CCNH: variants seen among roughly 807,000 people sequenced by gnomAD.
CCNH encodes the protein cyclin H.
CCNH carries 31 observed loss-of-function variants against 41.9 expected under a neutral mutation model. The observed-to-expected ratio is 0.74, with a 90% confidence interval of 0.56 to 1.00. The LOEUF is 1.00. CCNH is among the 50% of genes least tolerant of loss of function. CCNH has a pLI of 0.00. For missense variants in CCNH, 362 were observed against 388.4 expected, an observed-to-expected ratio of 0.93 and a Z score of 0.57; for synonymous variants, 138 against 136.1, an observed-to-expected ratio of 1.01 and a Z score of -0.10.
chr5:87,380,417 G>A (rs1580395385), upstream of CCNH: 4 of 1,132,904 alleles, frequency 3.5e-6, no homozygotes, highest in South Asian at 3.7e-5. Flanking sequence ...TTATTGAACT[G>A]TGGTATATTT....
At chr5:87,332,422 T>C (rs1255940754) in intron 9 of CCNH, 4 of 1,343,568 alleles carry the variant, frequency 3.0e-6, no homozygotes, top group African/African-American at 2.9e-5. Context: ...ATGGAAATTA[T>C]GGATTTATAA....
chr5:87,333,764 A>G (rs1757761607), intron 9 of CCNH, among the ~76,000 whole-genome samples: 1 of 152,154 alleles, frequency 6.6e-6, no homozygotes, highest in Non-Finnish European at 1.5e-5. Context: ...ATTTCTATAT[A>G]ATTATATAAT....
chr5:87,363,271 T>C, intron 9 of CCNH: 2 of 1,304,400 alleles, frequency 1.5e-6, no homozygotes, highest in East Asian at 2.4e-5. Flanking sequence ...TTCATATTTT[T>C]AGAAACACTA....
chr5:87,401,551 A>G, intron 6 of CCNH, 151 bp downstream of exon 6: 1 of 594,098 alleles, frequency 1.7e-6, no homozygotes, highest in Non-Finnish European at 2.9e-6. Context: ...TTCTAGACCA[A>G]TGTGTCTTTC....
chr5:87,343,884 C>A (rs911938121), intron 9 of CCNH, among the ~76,000 whole-genome samples: 6 of 152,070 alleles, frequency 3.9e-5, no homozygotes, highest in African/African-American at 1.4e-4. Context: ...ACTATTCAGC[C>A]ATAAACAAGA....
chr5:87,371,160 G>C (rs1370187355), intron 9 of CCNH, among the ~76,000 whole-genome samples: 1 of 151,926 alleles, frequency 6.6e-6, no homozygotes, highest in Non-Finnish European at 1.5e-5. Context: ...AGCATGTTTT[G>C]CAAGCCTAAC....
At chr5:87,369,934 TTTA>T (rs1472834373) in intron 9 of CCNH, 3 of 1,517,252 alleles carry the variant, frequency 2.0e-6, no homozygotes, top group Non-Finnish European at 2.7e-6. Context: ...ACAGTATACT[TTTA>T]TGTTAGCCCA....
chr5:87,385,216 A>G, intron 9 of CCNH: 1 of 889,638 alleles, frequency 1.1e-6, no homozygotes, highest in Non-Finnish European at 1.9e-6. Context: ...AACAGTAAAG[A>G]AATATTAAAG....
At chr5:87,407,920 T>C in intron 4 of CCNH, 56 bp downstream of exon 4, 1 of 1,341,464 alleles carries the variant, frequency 7.5e-7, no homozygotes, top group Non-Finnish European at 1.1e-6. Context: ...TTGGATTCTT[T>C]TGTTAAAGAA....
downstream of CCNH, among the ~76,000 whole-genome samples, chr5:87,314,523 A>G (rs144388657): frequency 1.1e-4 from 17 of 152,346 alleles, no homozygotes; most frequent in African/African-American, 3.6e-4. Flanking sequence ...CTGATTGGAT[A>G]TGAGGGAAAC....
intron 7 of CCNH, among the ~76,000 whole-genome samples, chr5:87,396,505 G>A (rs1397430356): frequency 1.3e-5 from 2 of 152,022 alleles, no homozygotes; most frequent in Non-Finnish European, 2.9e-5. Context: ...TGCACCTGTC[G>A]TCCCAGCTAC....
chr5:87,373,773 A>G (rs1054441178), downstream of CCNH, among the ~76,000 whole-genome samples: 5 of 152,186 alleles, frequency 3.3e-5, no homozygotes, highest in African/African-American at 1.2e-4. Flanking sequence ...CCAGATAAGT[A>G]TTATATAACA....
rs976112656 is a variant in CCNH at position 87,328,096 on chromosome 5, G to C, written c.*91-9199C>G. ...AAAGTATTTTTCAACATTGTTTTAT[G>C]AGTCAACACTTCTTCTTTCATTGGA... is the stretch of plus-strand genomic sequence containing the variant. On this transcript the variant is annotated intron_variant and NMD_transcript_variant, in intron 9 of 9. Transcript: ENST00000645953. 1.2e-4 allele frequency among the ~76,000 whole-genome samples: 18 copies of C among 152,112 alleles called. 1 individual carries two copies. The highest frequency in any genetic ancestry group is 9.8e-4 in the Admixed American group (15 of 15,264).
At chr5:87,365,205 G>A (rs769044502) in intron 9 of CCNH, among the ~76,000 whole-genome samples, 4 of 152,094 alleles carry the variant, frequency 2.6e-5, no homozygotes, top group Non-Finnish European at 5.9e-5. Flanking sequence ...TGAGATACTA[G>A]TGGTTGTAAA....
At chr5:87,401,569 C>T (rs1035722814) in intron 6 of CCNH, 133 bp downstream of exon 6, 11 of 632,640 alleles carry the variant, frequency 1.7e-5, no homozygotes, top group East Asian at 8.7e-5. Context: ...TTCATGCTTC[C>T]ATAATACAGT....
intron 9 of CCNH, among the ~76,000 whole-genome samples, chr5:87,384,422 T>G (rs1761931259): frequency 6.6e-6 from 1 of 152,148 alleles, no homozygotes; most frequent in Admixed American, 6.6e-5. Context: ...CAGTAGGAAC[T>G]GGAACCATTT....
At chr5:87,320,128 A>T (rs1401780894) in intron 9 of CCNH, among the ~76,000 whole-genome samples, 2 of 152,140 alleles carry the variant, frequency 1.3e-5, no homozygotes, top group African/African-American at 4.8e-5. Flanking sequence ...TAAGTTCCTC[A>T]TCTCCATCTG....
At chr5:87,408,625 T>C (rs1351223849) in intron 3 of CCNH, among the ~76,000 whole-genome samples, 2 of 152,206 alleles carry the variant, frequency 1.3e-5, no homozygotes, top group Non-Finnish European at 2.9e-5. Context: ...CAGAAGTCTC[T>C]AAGGGCATCT....
chr5:87,406,784 A>C lies in CCNH; in HGVS notation c.525+1192T>G, dbSNP rs1763824181. ...AAGCCCAGCACTATCTTTTGCTTGG[A>C]CTCCTTTAACGGTACCCTGTTATTG... On this transcript the variant is annotated intron_variant, in intron 4 of 8. Transcript: ENST00000256897. Among the ~76,000 whole-genome samples, 3 of 151,638 alleles carry C rather than the reference A, an allele frequency of 2.0e-5. No homozygotes were observed. The South Asian group carries it at 6.2e-4, about 32-fold the overall frequency.
Sources: gnomAD v4.1 joint callset for allele counts (sites outside exome capture counted in the v4.1 genomes callset) on GRCh38, gnomAD v4.1.1 for gene constraint, MANE v1.5 for transcripts, NCBI Gene and HGNC (gene_info 2026-07-23, HGNC 2026-07-21) for gene names.